Variants in ENPP6 observed in about 807,000 individuals in gnomAD.
ENPP6 encodes the protein ectonucleotide pyrophosphatase/phosphodiesterase 6.
A neutral mutation model predicts 42.0 loss-of-function variants in ENPP6; 32 were observed. The observed-to-expected ratio is 0.76, with a 90% CI of 0.58 to 1.02. The LOEUF is 1.02. Ranked by LOEUF, ENPP6 falls within the 50% of genes least tolerant of loss-of-function variation. ENPP6 has a pLI of 0.00. For synonymous variants in ENPP6, 213 were observed against 216.0 expected (o/e 0.99, Z 0.12); for missense variants, 552 against 566.8 (o/e 0.97, Z 0.27).
chr4:184,131,145 C>CTT (rs1276269015), intron 2 of ENPP6, among the ~76,000 whole-genome samples: 4 of 34,594 alleles, frequency 1.2e-4, no homozygotes, highest in African/African-American at 6.1e-4. Context: ...CACTTACTTT[C>CTT]TTTCTTTCTT....
intron 2 of ENPP6, among the ~76,000 whole-genome samples, chr4:184,143,037 C>T (rs1341698752): frequency 6.6e-6 from 1 of 152,176 alleles, no homozygotes; most frequent in Non-Finnish European, 1.5e-5. Context: ...ATTACAGTGA[C>T]TCCATGCTTC....
At chr4:184,162,202 A>G (rs1471736402) in intron 1 of ENPP6, among the ~76,000 whole-genome samples, 1 of 152,044 alleles carries the variant, frequency 6.6e-6, no homozygotes, top group Non-Finnish European at 1.5e-5. Flanking sequence ...TTTCTCTCCA[A>G]ACTTCAAAGT....
In ENPP6 at chr4:184,147,307, C is replaced by T. The variant is rs558956844; in HGVS notation, c.421+6247G>A. On this transcript the variant is annotated intron_variant, in intron 2 of 7. Coordinates refer to ENST00000296741, the MANE Select transcript of ENPP6 (RefSeq NM_153343.4). ...TCTGTTGCCCAGTCTGAGCGATGCT[C>T]ACCTGCTCTCCGGGTTTCTACAGTG... Among the ~76,000 whole-genome samples the T allele has an allele frequency of 2.6e-5, 4 of 152,314 alleles. No individual in the cohort carries two copies. In the South Asian group the frequency reaches 8.3e-4, roughly 32 times the overall value.
At chr4:184,166,271 G>A (rs749015169) in intron 1 of ENPP6, among the ~76,000 whole-genome samples, 28 of 152,192 alleles carry the variant, frequency 1.8e-4, no homozygotes, top group Non-Finnish European at 2.1e-4. Flanking sequence ...TTGTAAGGCT[G>A]AGATAATGGG....
chr4:184,200,258 C>T (rs2111114458), intron 1 of ENPP6, among the ~76,000 whole-genome samples: 2 of 152,306 alleles, frequency 1.3e-5, no homozygotes, highest in Middle Eastern at 3.4e-3. Context: ...GCGGTGAGGA[C>T]CCCATTGACC....
intron 3 of ENPP6, among the ~76,000 whole-genome samples, chr4:184,118,925 C>T (rs1289539534): frequency 6.6e-6 from 1 of 152,252 alleles, no homozygotes. Context: ...ACACCTGAGT[C>T]TCCCATCACC....
intron 2 of ENPP6, among the ~76,000 whole-genome samples, chr4:184,137,616 A>C (rs1477569183): frequency 6.6e-6 from 1 of 152,196 alleles, no homozygotes; most frequent in East Asian, 1.9e-4. Context: ...TCCAGAGTGG[A>C]TTGTCAAGGA....
At chr4:184,168,073 G>C (rs974868390) in intron 1 of ENPP6, among the ~76,000 whole-genome samples, 2 of 152,084 alleles carry the variant, frequency 1.3e-5, no homozygotes, top group Non-Finnish European at 2.9e-5. Context: ...AGGAACTGAG[G>C]ACCTGTGAAA....
intron 2 of ENPP6, among the ~76,000 whole-genome samples, chr4:184,143,584 G>A (rs984110747): frequency 2.6e-5 from 4 of 152,152 alleles, no homozygotes; most frequent in African/African-American, 7.2e-5. Flanking sequence ...GGCCTCTCCC[G>A]CTGTGCGTCC....
intron 1 of ENPP6, among the ~76,000 whole-genome samples, chr4:184,198,842 C>G (rs553496503): frequency 6.6e-6 from 1 of 152,294 alleles, no homozygotes; most frequent in Admixed American, 6.5e-5. Flanking sequence ...ATGTCTGTGT[C>G]CCATCTTGTC....
At chr4:184,187,451 T>C (rs886724459) in intron 1 of ENPP6, among the ~76,000 whole-genome samples, 3 of 152,212 alleles carry the variant, frequency 2.0e-5, no homozygotes, top group Admixed American at 6.5e-5. Flanking sequence ...TCATTGCTCC[T>C]TTTTTGCTCT....
intron 1 of ENPP6, among the ~76,000 whole-genome samples, chr4:184,156,762 T>C (rs894200789): frequency 6.6e-6 from 1 of 152,244 alleles, no homozygotes; most frequent in African/African-American, 2.4e-5. Flanking sequence ...AACTGCTGTA[T>C]GAAGGGGGTG....
intron 6 of ENPP6, among the ~76,000 whole-genome samples, chr4:184,103,644 C>T (rs543350953): frequency 6.6e-6 from 1 of 152,174 alleles, no homozygotes; most frequent in Non-Finnish European, 1.5e-5. Flanking sequence ...TATTATAAAC[C>T]ACGCTTTCTC....
chr4:184,132,820 C>T (rs1018724914), intron 2 of ENPP6, among the ~76,000 whole-genome samples: 20 of 122,812 alleles, frequency 1.6e-4, no homozygotes, highest in Admixed American at 6.0e-4. Flanking sequence ...TACATATATA[C>T]ACACACACAC....
At chr4:184,135,358 A>G (rs1310271300) in intron 2 of ENPP6, among the ~76,000 whole-genome samples, 1 of 152,140 alleles carries the variant, frequency 6.6e-6, no homozygotes, top group Non-Finnish European at 1.5e-5. Context: ...TGACTTATTT[A>G]TGTTGAGAGT....
intron 6 of ENPP6, among the ~76,000 whole-genome samples, chr4:184,108,337 G>C (rs573198913): frequency 6.6e-6 from 1 of 152,192 alleles, no homozygotes; most frequent in Admixed American, 6.5e-5. Flanking sequence ...AAACGTCATC[G>C]CATGCACTGT....
At chr4:184,144,856 C>T (rs975603768) in intron 2 of ENPP6, among the ~76,000 whole-genome samples, 1 of 152,258 alleles carries the variant, frequency 6.6e-6, no homozygotes, top group African/African-American at 2.4e-5. Context: ...CCCTGGGGTA[C>T]AATCCCGTAC....
chr4:184,100,422 T>C (rs1290396318), intron 6 of ENPP6, among the ~76,000 whole-genome samples: 1 of 152,194 alleles, frequency 6.6e-6, no homozygotes, highest in Non-Finnish European at 1.5e-5. Context: ...AAGCTCCTGG[T>C]TGGCCTGCTG....
intron 1 of ENPP6, among the ~76,000 whole-genome samples, chr4:184,190,406 G>C (rs1378834465): frequency 6.6e-6 from 1 of 152,204 alleles, no homozygotes. Flanking sequence ...GAAGAGAGCA[G>C]AGAGAATCGG....
Sources: allele counts gnomAD v4.1 joint callset (sites outside exome capture counted in the v4.1 genomes callset), GRCh38; gene constraint gnomAD v4.1.1; transcripts MANE v1.5; gene names NCBI Gene and HGNC (gene_info 2026-07-23, HGNC 2026-07-21).